TASP1: variants seen among roughly 807,000 people sequenced by gnomAD.
TASP1 encodes threonine aspartase 1.
In TASP1, 16 loss-of-function variants were observed where a neutral mutation model predicts 56.6. The observed-to-expected ratio is 0.28, with a 90% CI of 0.19 to 0.43. The LOEUF (loss-of-function observed/expected upper bound fraction) is 0.43. TASP1 is among the 20% of genes least tolerant of loss of function. The probability of loss-of-function intolerance (pLI) is 1.00; values close to 1 mark genes in which losing one functional copy is unlikely to be tolerated. For missense variants in TASP1, 393 were observed against 511.6 expected, an observed-to-expected ratio of 0.77 and a Z score of 2.24; for synonymous variants, 179 against 184.2, an observed-to-expected ratio of 0.97 and a Z score of 0.23.
chr20:13,577,549 A>G (rs886152239), intron 6 of TASP1, among the ~76,000 whole-genome samples: 4 of 152,186 alleles, frequency 2.6e-5, no homozygotes, highest in Non-Finnish European at 5.9e-5. Context: ...AGAGTTGGAT[A>G]AAATGAGGGT....
At chr20:13,363,995 G>C in the TASP1 span, among the ~76,000 whole-genome samples, 3 of 151,838 alleles carry the variant, frequency 2.0e-5, no homozygotes, top group Non-Finnish European at 2.9e-5. Flanking sequence ...GAGGAGATTT[G>C]TATATAATAA....
chr20:13,383,078 G>C, the TASP1 span, among the ~76,000 whole-genome samples: 1 of 152,186 alleles, frequency 6.6e-6, no homozygotes, highest in Non-Finnish European at 1.5e-5. Flanking sequence ...GCTGCTCAAA[G>C]AACAGCAAGG....
At chr20:13,590,675 G>A (rs1354797784) in intron 4 of TASP1, among the ~76,000 whole-genome samples, 1 of 151,978 alleles carries the variant, frequency 6.6e-6, no homozygotes, top group African/African-American at 2.4e-5. Context: ...AGACCAGCCT[G>A]GCCAACATGG....
At chr20:13,194,100 A>G in the TASP1 span, among the ~76,000 whole-genome samples, 5 of 152,182 alleles carry the variant, frequency 3.3e-5, no homozygotes, top group Non-Finnish European at 7.4e-5. Context: ...TCCAGCTATC[A>G]TTAGTTTTGT....
At chr20:13,522,415 G>A (rs1425911366) in intron 10 of TASP1, among the ~76,000 whole-genome samples, 1 of 152,126 alleles carries the variant, frequency 6.6e-6, no homozygotes, top group Non-Finnish European at 1.5e-5. Flanking sequence ...CTGAGAAGTG[G>A]TCAGATTTTA....
At chr20:13,349,510 G>A in the TASP1 span, among the ~76,000 whole-genome samples, 1 of 152,132 alleles carries the variant, frequency 6.6e-6, no homozygotes, top group African/African-American at 2.4e-5. Flanking sequence ...TGGGGTCGTG[G>A]GAGGGAAAGT....
intron 4 of TASP1, among the ~76,000 whole-genome samples, chr20:13,588,311 GAAAGAA>G: frequency 1.6e-4 from 15 of 92,248 alleles, no homozygotes; most frequent in Admixed American, 2.1e-4. Flanking sequence ...GGAAGGAAGA[GAAAGAA>G]AAGGAAGGAA....
the TASP1 span, among the ~76,000 whole-genome samples, chr20:13,229,953 G>A: frequency 2.0e-5 from 3 of 151,976 alleles, no homozygotes; most frequent in Non-Finnish European, 2.9e-5. Flanking sequence ...CACCTTGGTC[G>A]GCCACCTTGA....
At chr20:13,251,289 G>A in the TASP1 span, among the ~76,000 whole-genome samples, 1 of 152,188 alleles carries the variant, frequency 6.6e-6, no homozygotes, top group Non-Finnish European at 1.5e-5. Flanking sequence ...TCTGGCAGTG[G>A]ATAAGTCAGC....
the TASP1 span, among the ~76,000 whole-genome samples, chr20:13,153,293 G>A: frequency 6.6e-6 from 1 of 152,106 alleles, no homozygotes; most frequent in Non-Finnish European, 1.5e-5. Flanking sequence ...ACACACTTAG[G>A]ACACAGGCTA....
the TASP1 span, among the ~76,000 whole-genome samples, chr20:13,230,403 A>G: frequency 6.6e-6 from 1 of 152,124 alleles, no homozygotes; most frequent in East Asian, 1.9e-4. Context: ...GTCGTCTCCA[A>G]ATTCCATTAT....
the TASP1 span, among the ~76,000 whole-genome samples, chr20:13,224,203 A>G: frequency 6.6e-6 from 1 of 152,158 alleles, no homozygotes; most frequent in Non-Finnish European, 1.5e-5. Flanking sequence ...TTCCAAGCAG[A>G]ATGATGAGTT....
At chr20:13,562,973 T>C (rs1176868571) in intron 7 of TASP1, among the ~76,000 whole-genome samples, 14 of 144,256 alleles carry the variant, frequency 9.7e-5, no homozygotes, top group Admixed American at 2.1e-4. Flanking sequence ...CGTGCGTATG[T>C]ATGTGTGTGT....
At chr20:13,528,535 T>C (rs758797041) in intron 9 of TASP1, 24 bp from the exon 10 acceptor site, 18 of 1,574,762 alleles carry the variant, frequency 1.1e-5, no homozygotes, top group African/African-American at 2.7e-5. Flanking sequence ...AAAATAGATA[T>C]AATATTTCAG....
intron 12 of TASP1, 45 bp downstream of exon 12, chr20:13,434,999 G>GA (rs768998359): frequency 1.8e-3 from 2,357 of 1,346,276 alleles, no homozygotes; most frequent in South Asian, 2.5e-3. Context: ...TTTTTTCTTG[G>GA]AAAAAAAAAT....
At chr20:13,356,435 A>G in the TASP1 span, among the ~76,000 whole-genome samples, 35,708 of 152,174 alleles carry the variant, frequency 0.23, 5,576 homozygotes, top group African/African-American at 0.44. Flanking sequence ...GCCCAGCCTC[A>G]TAACTTACCT....
At chr20:13,340,956 A>C in the TASP1 span, among the ~76,000 whole-genome samples, 8 of 152,366 alleles carry the variant, frequency 5.3e-5, no homozygotes, top group African/African-American at 1.9e-4. Flanking sequence ...GCTGGGGCTT[A>C]AATTCAAGTA....
chr20:13,181,863 A>G, the TASP1 span, among the ~76,000 whole-genome samples: 4 of 152,230 alleles, frequency 2.6e-5, no homozygotes, highest in Non-Finnish European at 4.4e-5. Flanking sequence ...AATATCAAGC[A>G]CATTACCAGG....
the TASP1 span, among the ~76,000 whole-genome samples, chr20:13,219,676 T>C: frequency 6.6e-6 from 1 of 151,974 alleles, no homozygotes; most frequent in Non-Finnish European, 1.5e-5. Context: ...ATGCTGGAGT[T>C]AGTTAGAATT....
Sources: gnomAD v4.1 joint callset for allele counts (sites outside exome capture counted in the v4.1 genomes callset) on GRCh38, gnomAD v4.1.1 for gene constraint, MANE v1.5 for transcripts, NCBI Gene and HGNC (gene_info 2026-07-23, HGNC 2026-07-21) for gene names.